CDYL2: variants seen among roughly 807,000 people sequenced by gnomAD.
CDYL2 encodes the protein chromodomain Y-like protein 2.
A neutral mutation model predicts 49.4 loss-of-function variants in CDYL2; 23 were observed. The observed-to-expected ratio is 0.47, with a 90% CI of 0.34 to 0.66. CDYL2 has a LOEUF of 0.66. Ranked by LOEUF, CDYL2 falls within the 30% of genes least tolerant of loss-of-function variation. The pLI is 0.01. For missense variants in CDYL2, 678 were observed against 656.4 expected (o/e 1.03, Z -0.36); for synonymous variants, 360 against 268.8 (o/e 1.34, Z -3.32).
intron 1 of CDYL2, among the ~76,000 whole-genome samples, chr16:80,699,449 G>C (rs1360101440): frequency 6.6e-6 from 1 of 152,158 alleles, no homozygotes; most frequent in African/African-American, 2.4e-5. Flanking sequence ...ACTCATACGT[G>C]GAAGCTAAAA....
chr16:80,696,005 A>G (rs919638254), intron 1 of CDYL2, among the ~76,000 whole-genome samples: 3 of 152,240 alleles, frequency 2.0e-5, no homozygotes, highest in Non-Finnish European at 4.4e-5. Context: ...TCATGCCACA[A>G]AAGTCTCTAC....
chr16:80,607,519 C>A (rs1294618166), intron 6 of CDYL2, among the ~76,000 whole-genome samples: 2 of 152,206 alleles, frequency 1.3e-5, no homozygotes, highest in African/African-American at 4.8e-5. Flanking sequence ...TCCACCTTCC[C>A]ACAGGATATT....
At chr16:80,778,684 G>A (rs1377625733) in intron 1 of CDYL2, among the ~76,000 whole-genome samples, 1 of 151,924 alleles carries the variant, frequency 6.6e-6, no homozygotes, top group East Asian at 1.9e-4. Flanking sequence ...ATTAAAAGAA[G>A]TACCTCATCT....
chr16:80,746,354 G>C (rs539603866), intron 1 of CDYL2, among the ~76,000 whole-genome samples: 4 of 152,308 alleles, frequency 2.6e-5, no homozygotes, highest in Non-Finnish European at 5.9e-5. Flanking sequence ...GTAGTGAATT[G>C]TGCTGTGGGA....
intron 1 of CDYL2, among the ~76,000 whole-genome samples, chr16:80,781,531 T>G (rs146722254): frequency 0.01 from 1,534 of 152,234 alleles, 33 homozygotes; most frequent in African/African-American, 0.034. Context: ...GTAAACCTAT[T>G]AGACCTAACA....
intron 2 of CDYL2, among the ~76,000 whole-genome samples, chr16:80,640,796 G>A (rs181750053): frequency 2.3e-3 from 351 of 152,264 alleles, no homozygotes; most frequent in South Asian, 7.0e-3. Flanking sequence ...GCTAAAAAGC[G>A]TAACTGGCAT....
rs201231531 is a variant in CDYL2, at chr16:80,757,551, A to ATAT, written c.24+46598_24+46599insATA. 6.4e-3 allele frequency among the ~76,000 whole-genome samples: 930 copies of ATAT among 145,398 alleles called. 9 individuals carry two copies. The highest frequency in any genetic ancestry group is 0.023 in the African/African-American group (849 of 37,050). On this transcript the variant is annotated intron_variant, in intron 1 of 6. Transcript: ENST00000570137. ...AAGACTCTGTCTCAAAAAAAAAAAA[A>ATAT]AAATATATATATATATACACACACA... is the stretch of plus-strand genomic sequence containing the variant.
intron 1 of CDYL2, among the ~76,000 whole-genome samples, chr16:80,723,691 T>G (rs1377975210): frequency 1.3e-5 from 2 of 152,256 alleles, no homozygotes; most frequent in African/African-American, 4.8e-5. Flanking sequence ...ATAACACAGC[T>G]GTGCCATTCG....
At chr16:80,742,451 AGGATGGATGCATGGATGGATGGATGGAT>A (rs1905771836) in intron 1 of CDYL2, 2 of 121,008 alleles carry the variant, frequency 1.7e-5, no homozygotes. Flanking sequence ...GGATGGATGG[AGGATGGATGCATGGATGGATGGATGGAT>A]GGATGGATGG....
chr16:80,636,968 C>T (rs1371541668), intron 2 of CDYL2, among the ~76,000 whole-genome samples: 1 of 152,140 alleles, frequency 6.6e-6, no homozygotes, highest in Non-Finnish European at 1.5e-5. Flanking sequence ...ACGCCAAGCA[C>T]CGCATATTCT....
intron 2 of CDYL2, among the ~76,000 whole-genome samples, chr16:80,658,996 G>C (rs1332610589): frequency 6.6e-6 from 1 of 152,134 alleles, no homozygotes; most frequent in Non-Finnish European, 1.5e-5. Context: ...GGCAGTAATA[G>C]ATTATAAACT....
chr16:80,637,208 C>T (rs917267288), intron 2 of CDYL2, among the ~76,000 whole-genome samples: 6 of 127,182 alleles, frequency 4.7e-5, no homozygotes, highest in African/African-American at 1.7e-4. Flanking sequence ...TCTTTTAGTT[C>T]CTAAAAAGCA....
At chr16:80,777,922 C>T (rs1388950010) in intron 1 of CDYL2, among the ~76,000 whole-genome samples, 18 of 151,904 alleles carry the variant, frequency 1.2e-4, no homozygotes, top group Admixed American at 1.2e-3. Flanking sequence ...AAATTCTAAA[C>T]ACTCACAGCT....
rs373147588 is a variant in CDYL2, at chr16:80,633,173, T to G, written c.680A>C (p.Glu227Ala). 83 of 1,614,102 alleles carry G rather than the reference T, an allele frequency of 5.1e-5. No homozygotes were observed. Among genetic ancestry groups the G allele is most frequent in the Non-Finnish European group, 6.8e-5 (80 of 1,180,038 alleles). The change falls in exon 3 of 7, where the codon GAG (glutamate) becomes GCG (alanine). Residue 227 changes from glutamate to alanine, a missense_variant. Glu to Ala is a moderately radical substitution (Grantham distance 107, BLOSUM62 -1). Transcript: ENST00000570137. ...CCTTTTGTCAAAGACGTAGTCCTTC[T>G]CCGCTTCCAGCTTCCTCTTCACTGG... is the stretch of plus-strand genomic sequence containing the variant. ...HSPVKRKLEA[E>A]KDYVFDKRLR...
chr16:80,791,344 A>G (rs890546243), intron 1 of CDYL2, among the ~76,000 whole-genome samples: 2 of 152,378 alleles, frequency 1.3e-5, no homozygotes, highest in Middle Eastern at 3.4e-3. Context: ...AGATTGAATA[A>G]ATTAATTATT....
chr16:80,754,205 C>T (rs1202946923), intron 1 of CDYL2, among the ~76,000 whole-genome samples: 1 of 152,162 alleles, frequency 6.6e-6, no homozygotes, highest in African/African-American at 2.4e-5. Context: ...GAGAGACAAA[C>T]TAATCAATCC....
At position 80,794,845 on chromosome 16, in the gene CDYL2, T is replaced by C. The variant is rs1907722008; in HGVS notation, c.24+9305A>G. Among the ~76,000 whole-genome samples the C allele has an allele frequency of 2.6e-5, 4 of 152,062 alleles. No homozygotes were observed. The East Asian group carries it at 7.7e-4, about 29-fold the overall frequency. ...TCAGGCTGGTCTCGAACTCCCGACC[T>C]CAGGTGATCCGCCCATCTTGGCCTC... On this transcript the variant is annotated intron_variant, in intron 1 of 6. Transcript: ENST00000570137.
intron 2 of CDYL2, among the ~76,000 whole-genome samples, chr16:80,671,279 G>C (rs1260415221): frequency 1.3e-5 from 2 of 152,210 alleles, no homozygotes; most frequent in Non-Finnish European, 2.9e-5. Flanking sequence ...GGACAAGCCA[G>C]AGGAAGGCCA....
At chr16:80,714,856 G>C (rs1450712045) in intron 1 of CDYL2, among the ~76,000 whole-genome samples, 9 of 152,140 alleles carry the variant, frequency 5.9e-5, no homozygotes, top group Admixed American at 5.9e-4. Flanking sequence ...CAAATGAAAG[G>C]TGAGCATTTA....
Sources: gnomAD v4.1 joint callset for allele counts (sites outside exome capture counted in the v4.1 genomes callset) on GRCh38, gnomAD v4.1.1 for gene constraint, MANE v1.5 for transcripts, NCBI Gene and HGNC (gene_info 2026-07-23, HGNC 2026-07-21) for gene names.